The following ANKRD30B variants were observed in gnomAD, a reference collection of about 807,000 sequenced individuals.
ANKRD30B encodes the protein ankyrin repeat domain-containing protein 30B.
In ANKRD30B, 144 loss-of-function variants were observed where a neutral mutation model predicts 202.2. The ratio of observed to expected loss-of-function variants is 0.71; its 90% CI spans 0.62 to 0.82. ANKRD30B has a LOEUF of 0.82. ANKRD30B is among the 40% of genes least tolerant of loss of function. The pLI, the probability that ANKRD30B is intolerant of heterozygous loss-of-function variation, is 0.00. For synonymous variants in ANKRD30B, 508 were observed against 561.3 expected (o/e 0.91, Z 1.34); for missense variants, 1,487 against 1,669.1 (o/e 0.89, Z 1.90).
chr18:14,877,768 G>A, the ANKRD30B span: 1 of 152,160 alleles, frequency 6.6e-6, no homozygotes, highest in Non-Finnish European at 1.5e-5. Flanking sequence ...CTGCTAATGA[G>A]GCACTAAAGG....
the ANKRD30B span, among the ~76,000 whole-genome samples, chr18:14,930,454 T>C: frequency 6.6e-6 from 1 of 152,142 alleles, no homozygotes; most frequent in Non-Finnish European, 1.5e-5. Flanking sequence ...GGCCATGGTC[T>C]TCTCTGATGA....
intron 5 of ANKRD30B, among the ~76,000 whole-genome samples, chr18:14,760,184 CT>C: frequency 6.6e-6 from 1 of 152,228 alleles, no homozygotes; most frequent in East Asian, 1.9e-4. Context: ...TGAAATAAGT[CT>C]CTAAAATCCT....
chr18:14,866,027 G>A, the ANKRD30B span, among the ~76,000 whole-genome samples: 1 of 152,082 alleles, frequency 6.6e-6, no homozygotes, highest in Admixed American at 6.5e-5. Context: ...TGTTCTGATT[G>A]GATGAAAGAA....
intron 4 of ANKRD30B, among the ~76,000 whole-genome samples, chr18:14,756,038 T>C (rs944474712): frequency 6.6e-6 from 1 of 152,214 alleles, no homozygotes; most frequent in Non-Finnish European, 1.5e-5. Context: ...AAAGTGTTCC[T>C]ATTTCTCCAC....
Position 14,833,171 on chromosome 18 carries a change from G to A in ANKRD30B, c.2847+1716G>A, listed in dbSNP as rs71350514. Among the ~76,000 whole-genome samples, 60 of 151,386 alleles carry A rather than the reference G, an allele frequency of 4.0e-4. No individual in the cohort carries two copies. In the East Asian group the frequency reaches 0.011, roughly 28 times the overall value. On this transcript the variant is annotated intron_variant, in intron 34 of 43. Coordinates refer to ENST00000690538, the MANE Select transcript of ANKRD30B (RefSeq NM_001367607.2). ...AGGATGGTGTCGATCTCTTCACCTCGTGATCTGCCCTCCTAGGCCTCCCCA... is the reference window on the plus strand; with the variant it reads ...AGGATGGTGTCGATCTCTTCACCTCATGATCTGCCCTCCTAGGCCTCCCCA...
At chr18:14,865,550 G>A in the ANKRD30B span, among the ~76,000 whole-genome samples, 59 of 146,644 alleles carry the variant, frequency 4.0e-4, no homozygotes, top group African/African-American at 1.1e-3. Context: ...TTTCACTACC[G>A]TCTTTCTGTG....
chr18:14,877,664 G>A, the ANKRD30B span: 1 of 151,972 alleles, frequency 6.6e-6, no homozygotes, highest in Non-Finnish European at 1.5e-5. Context: ...GAGGTGTCAG[G>A]TGACTGCCTG....
chr18:14,913,334 A>G, the ANKRD30B span, among the ~76,000 whole-genome samples: 1 of 152,186 alleles, frequency 6.6e-6, no homozygotes, highest in Non-Finnish European at 1.5e-5. Flanking sequence ...TGTGCACCTA[A>G]GGGCCAGAGA....
chr18:14,755,554 TCCCCTCA>T (rs1914206982), intron 4 of ANKRD30B, among the ~76,000 whole-genome samples: 1 of 151,952 alleles, frequency 6.6e-6, no homozygotes, highest in African/African-American at 2.4e-5. Context: ...CCCCCTTCCT[TCCCCTCA>T]CCCCTCAACA....
chr18:14,883,395 CTCTCTATA>C, the ANKRD30B span: 13 of 74,886 alleles, frequency 1.7e-4, no homozygotes, highest in African/African-American at 8.5e-4. Flanking sequence ...CTCTCTCTCT[CTCTCTATA>C]TATATATATA....
chr18:14,926,002 T>C, the ANKRD30B span, among the ~76,000 whole-genome samples: 1 of 151,306 alleles, frequency 6.6e-6, no homozygotes, highest in Non-Finnish European at 1.5e-5. Context: ...GGTTTTCAGA[T>C]AAAAAAAAAT....
the ANKRD30B span, among the ~76,000 whole-genome samples, chr18:14,912,379 T>C: frequency 6.6e-6 from 1 of 152,238 alleles, no homozygotes; most frequent in African/African-American, 2.4e-5. Flanking sequence ...GATAATCATA[T>C]AGTTTTTGTT....
chr18:14,825,685 A>T (rs2144133038), intron 32 of ANKRD30B, among the ~76,000 whole-genome samples: 1 of 151,804 alleles, frequency 6.6e-6, no homozygotes, highest in African/African-American at 2.4e-5. Context: ...TTTTTTAACC[A>T]CTTTGTCCGA....
Position 14,752,913 on chromosome 18 carries a change from G to A in ANKRD30B, c.411G>A (p.Val137=). Residue 137 remains valine, a synonymous_variant, in exon 3 of 44, where the codon GTG becomes GTA. Coordinates refer to ENST00000690538, the MANE Select transcript of ANKRD30B (RefSeq NM_001367607.2). ...DAGADLNYVD[V]YGNTALHYAV... is the part of the protein sequence containing the mutation. The stretch of plus-strand genomic sequence containing the variant: ...GTGCTGATCTAAATTATGTAGATGT[G>A]TATGGCAACACGGCTCTCCATTATG... The A allele has an allele frequency of 6.2e-7, 1 of 1,605,590 alleles. No homozygotes were observed. Among genetic ancestry groups the A allele is most frequent in the East Asian group, 2.3e-5 (1 of 44,238 alleles).
the ANKRD30B span, among the ~76,000 whole-genome samples, chr18:14,870,658 A>C: frequency 6.6e-6 from 1 of 152,058 alleles, no homozygotes; most frequent in Non-Finnish European, 1.5e-5. Context: ...ACCCTCTTCT[A>C]TCTGTCTGTG....
At chr18:14,807,564 C>T (rs1350688421) in intron 24 of ANKRD30B, among the ~76,000 whole-genome samples, 1 of 148,230 alleles carries the variant, frequency 6.7e-6, no homozygotes, top group Non-Finnish European at 1.5e-5. Context: ...CAGAGTCTCG[C>T]TCTGTCATCC....
At chr18:14,762,162 C>G (rs1915362106) in intron 6 of ANKRD30B, among the ~76,000 whole-genome samples, 1 of 152,052 alleles carries the variant, frequency 6.6e-6, no homozygotes, top group Non-Finnish European at 1.5e-5. Flanking sequence ...GTTGAGTAGT[C>G]TGATAAGGAG....
chr18:14,835,591 G>A (rs1279312327), intron 34 of ANKRD30B, among the ~76,000 whole-genome samples: 1 of 151,414 alleles, frequency 6.6e-6, no homozygotes, highest in Admixed American at 6.6e-5. Context: ...ACTGAATTCT[G>A]CTTGACAATC....
intron 9 of ANKRD30B, among the ~76,000 whole-genome samples, chr18:14,775,605 C>T (rs1366985732): frequency 6.6e-5 from 10 of 152,140 alleles, no homozygotes; most frequent in African/African-American, 2.4e-4. Context: ...ACAATTTGGT[C>T]GAGTAGTATT....
Sources: allele counts gnomAD v4.1 joint callset (sites outside exome capture counted in the v4.1 genomes callset), GRCh38; gene constraint gnomAD v4.1.1; transcripts MANE v1.5; gene names NCBI Gene and HGNC (gene_info 2026-07-23, HGNC 2026-07-21).